The following ANO4 variants were observed in gnomAD, a reference collection of about 807,000 sequenced individuals.
The protein encoded by ANO4 is anoctamin 4, also known as anoctamin-4.
A neutral mutation model predicts 141.9 loss-of-function variants in ANO4; 69 were observed. That is an observed-to-expected ratio of 0.49 (90% CI 0.40 to 0.59). The LOEUF (loss-of-function observed/expected upper bound fraction) is 0.59. Among genes scored for constraint, ANO4 ranks in the 20% least tolerant of loss-of-function variants. The pLI is 0.00. For missense variants in ANO4, 894 were observed against 1,162.2 expected (o/e 0.77, Z 3.36); for synonymous variants, 350 against 394.3 (o/e 0.89, Z 1.33).
intron 1 of ANO4, among the ~76,000 whole-genome samples, chr12:100,877,726 CA>C (rs1256325888): frequency 2.0e-5 from 3 of 152,232 alleles, no homozygotes; most frequent in African/African-American, 7.2e-5. Flanking sequence ...CAGCATCTTT[CA>C]GCTGCTCAGG....
intron 26 of ANO4, among the ~76,000 whole-genome samples, chr12:101,123,597 T>C (rs1013502735): frequency 6.6e-6 from 1 of 152,166 alleles, no homozygotes; most frequent in Non-Finnish European, 1.5e-5. Flanking sequence ...TTTGTCAGTT[T>C]GCTGAGGATA....
intron 3 of ANO4, among the ~76,000 whole-genome samples, chr12:100,762,884 T>G (rs1476417596): frequency 6.6e-6 from 1 of 152,172 alleles, no homozygotes; most frequent in Admixed American, 6.5e-5. Flanking sequence ...ACTAAAACAG[T>G]GCCCAGAACA....
chr12:100,977,971 CT>C (rs1357677410), intron 7 of ANO4, among the ~76,000 whole-genome samples: 1 of 152,188 alleles, frequency 6.6e-6, no homozygotes, highest in Admixed American at 6.5e-5. Context: ...CTGGAAGATC[CT>C]TTCCTTTATT....
intron 2 of ANO4, among the ~76,000 whole-genome samples, chr12:100,906,029 G>C (rs1378699612): frequency 6.6e-6 from 1 of 152,136 alleles, no homozygotes; most frequent in Non-Finnish European, 1.5e-5. Flanking sequence ...ATGGAGAGGG[G>C]AAATATGTTT....
intron 14 of ANO4, among the ~76,000 whole-genome samples, chr12:101,059,378 A>G (rs905336866): frequency 1.3e-5 from 2 of 152,186 alleles, no homozygotes; most frequent in Non-Finnish European, 2.9e-5. Context: ...GGCCTCATAA[A>G]ATGAGTTAGG....
At chr12:100,758,829 G>A (rs2032730483) in intron 3 of ANO4, among the ~76,000 whole-genome samples, 1 of 152,038 alleles carries the variant, frequency 6.6e-6, no homozygotes, top group Non-Finnish European at 1.5e-5. Flanking sequence ...CCAGCTTCTG[G>A]TGACTCCTGG....
chr12:100,767,802 A>G (rs2033148951), intron 3 of ANO4, among the ~76,000 whole-genome samples: 1 of 152,244 alleles, frequency 6.6e-6, no homozygotes, highest in Admixed American at 6.5e-5. Context: ...ACAGTTATAA[A>G]AGTGTATTTT....
intron 8 of ANO4, among the ~76,000 whole-genome samples, chr12:100,988,915 G>A (rs984001085): frequency 2.7e-5 from 4 of 148,348 alleles, no homozygotes; most frequent in Admixed American, 6.8e-5. Flanking sequence ...ACGAAGGTAA[G>A]CCAAATGGCA....
At chr12:100,792,877 A>C (rs1366041442), upstream of ANO4, among the ~76,000 whole-genome samples, 2 of 152,252 alleles carry the variant, frequency 1.3e-5, no homozygotes, top group Non-Finnish European at 2.9e-5. Flanking sequence ...GTTAATGCAG[A>C]TAAAAACAAA....
chr12:101,000,890 ATATTT>A (rs2045606368), intron 8 of ANO4, among the ~76,000 whole-genome samples: 1 of 152,210 alleles, frequency 6.6e-6, no homozygotes, highest in African/African-American at 2.4e-5. Context: ...TCACTTGGAA[ATATTT>A]TATTACATTT....
In ANO4 at chr12:100,908,394, C is replaced by CT. The variant is rs370433501; in HGVS notation, c.55+6555dup. On this transcript the variant is annotated intron_variant, in intron 2 of 27. Transcript: ENST00000392977. The stretch of plus-strand genomic sequence containing the variant: ...AACAAAAAAACATCACTTTACTTAT[C>CT]TACCCATCATTTTATCATAGATCCT... Among the ~76,000 whole-genome samples, 63 of 152,226 alleles carry CT rather than the reference C, an allele frequency of 4.1e-4. 1 individual carries two copies. The highest frequency in any genetic ancestry group is 7.9e-4 in the Non-Finnish European group (54 of 67,996).
chr12:100,850,009 G>T (rs1342502658), intron 1 of ANO4, among the ~76,000 whole-genome samples: 4 of 152,156 alleles, frequency 2.6e-5, no homozygotes, highest in Admixed American at 1.3e-4. Context: ...GAGATGAGTT[G>T]AAAGTATTTG....
intron 1 of ANO4, among the ~76,000 whole-genome samples, chr12:100,829,772 T>G (rs1379256358): frequency 6.6e-6 from 1 of 152,078 alleles, no homozygotes; most frequent in Non-Finnish European, 1.5e-5. Flanking sequence ...ACACAAAACC[T>G]TATATGAAAT....
At chr12:100,931,267 CA>C (rs2042079724) in intron 3 of ANO4, among the ~76,000 whole-genome samples, 1 of 152,046 alleles carries the variant, frequency 6.6e-6, no homozygotes, top group South Asian at 2.1e-4. Context: ...ATTTTTAAGA[CA>C]ATAATGGATC....
intron 14 of ANO4, among the ~76,000 whole-genome samples, chr12:101,058,152 A>T (rs1289869439): frequency 6.6e-6 from 1 of 152,122 alleles, no homozygotes; most frequent in African/African-American, 2.4e-5. Context: ...TGTCAGGTTT[A>T]TCAAAGATTA....
rs576439654 is a variant in ANO4, at chr12:100,964,655, A to G, written c.457-6651A>G. ...TAACCTGATTTGATCCTTCACGCTC[A>G]GTAAATTGAAACGTCAAGCATATTT... On this transcript the variant is annotated intron_variant, in intron 5 of 27. Coordinates refer to ENST00000392977, the MANE Select transcript of ANO4 (RefSeq NM_001286615.2). Among the ~76,000 whole-genome samples the G allele has an allele frequency of 2.0e-5, 3 of 152,340 alleles. No individual in the cohort carries two copies. The South Asian group carries it at 6.2e-4, about 32-fold the overall frequency.
At chr12:101,042,261 A>C in intron 11 of ANO4, 73 bp from the exon 12 acceptor site, 1 of 1,576,928 alleles carries the variant, frequency 6.3e-7, no homozygotes. Context: ...AAGTAAAATG[A>C]CTATACGAAG....
At chr12:100,843,618 G>A (rs1043533210) in intron 1 of ANO4, among the ~76,000 whole-genome samples, 3 of 152,146 alleles carry the variant, frequency 2.0e-5, no homozygotes, top group Non-Finnish European at 2.9e-5. Flanking sequence ...GGTAGACGAC[G>A]ACATGACCAC....
chr12:100,792,332 A>C (rs1019224894), upstream of ANO4, among the ~76,000 whole-genome samples: 1 of 152,234 alleles, frequency 6.6e-6, no homozygotes, highest in Non-Finnish European at 1.5e-5. Flanking sequence ...GGAAAAAGGC[A>C]TTAAATCGTG....
Sources: allele counts gnomAD v4.1 joint callset (sites outside exome capture counted in the v4.1 genomes callset), GRCh38; gene constraint gnomAD v4.1.1; transcripts MANE v1.5; gene names NCBI Gene and HGNC (gene_info 2026-07-23, HGNC 2026-07-21).